The following PTPN14 variants were observed in gnomAD, a reference collection of about 807,000 sequenced individuals.
PTPN14 encodes protein tyrosine phosphatase non-receptor type 14.
In PTPN14, 53 loss-of-function variants were observed where a neutral mutation model predicts 126.8. That is an observed-to-expected ratio of 0.42 (90% CI 0.34 to 0.53). The LOEUF is 0.53. Ranked by LOEUF, PTPN14 falls within the 20% of genes least tolerant of loss-of-function variation. PTPN14 has a pLI of 0.08. For missense variants in PTPN14, 1,257 were observed against 1,552.9 expected (o/e 0.81, Z 3.20); for synonymous variants, 630 against 599.3 (o/e 1.05, Z -0.75).
At chr1:214,431,473 C>T (rs1427082665) in intron 3 of PTPN14, among the ~76,000 whole-genome samples, 3 of 152,194 alleles carry the variant, frequency 2.0e-5, no homozygotes, top group African/African-American at 4.8e-5. Flanking sequence ...AAATAACTCA[C>T]CTGAACATAC....
intron 16 of PTPN14, 66 bp from the exon 17 acceptor site, chr1:214,369,757 G>A (rs1658170403): frequency 3.6e-6 from 5 of 1,404,210 alleles, no homozygotes; most frequent in East Asian, 2.3e-5. Flanking sequence ...TTAATCCTAA[G>A]ATATGAAGAC....
intron 11 of PTPN14, 25 bp downstream of exon 11, chr1:214,390,963 T>C: frequency 1.4e-6 from 2 of 1,459,826 alleles, no homozygotes; most frequent in Non-Finnish European, 1.9e-6. Flanking sequence ...TCAGATCACT[T>C]GATCACTGCA....
intron 3 of PTPN14, among the ~76,000 whole-genome samples, chr1:214,433,560 A>T (rs1659840511): frequency 6.6e-6 from 1 of 152,032 alleles, no homozygotes; most frequent in African/African-American, 2.4e-5. Context: ...GTGGGTAGAG[A>T]TGATTGACAA....
intron 2 of PTPN14, among the ~76,000 whole-genome samples, chr1:214,458,830 T>C (rs1322344569): frequency 1.3e-5 from 2 of 152,124 alleles, no homozygotes; most frequent in East Asian, 3.9e-4. Context: ...GCTCCAGATA[T>C]CCTATCTCCT....
intron 3 of PTPN14, among the ~76,000 whole-genome samples, chr1:214,436,790 A>G (rs1465363987): frequency 1.7e-5 from 1 of 58,454 alleles, no homozygotes; most frequent in African/African-American, 6.6e-5. Flanking sequence ...CCGTCTCAAA[A>G]AAAAAAAAAA....
At chr1:214,392,221 T>A (rs556645025) in intron 10 of PTPN14, among the ~76,000 whole-genome samples, 135 of 152,088 alleles carry the variant, frequency 8.9e-4, no homozygotes, top group African/African-American at 3.1e-3. Context: ...AGAGAGAGTA[T>A]AATTTTGAGA....
Position 214,377,948 on chromosome 1 carries a change from C to T in PTPN14, c.2688+11G>A. ...CAGAGAATGAGTCACATTGACAAGCCTGCCACTTACCCTCTCGTCCATGGG... is the reference window on the plus strand; with the variant it reads ...CAGAGAATGAGTCACATTGACAAGCTTGCCACTTACCCTCTCGTCCATGGG... On this transcript the variant is annotated intron_variant, in intron 14 of 18. Coordinates refer to ENST00000366956, the MANE Select transcript of PTPN14 (RefSeq NM_005401.5). The T allele has an allele frequency of 6.2e-7, 1 of 1,609,432 alleles. No individual in the cohort carries two copies. Among genetic ancestry groups the T allele is most frequent in the East Asian group, 2.2e-5 (1 of 44,824 alleles).
At chr1:214,468,319 G>T (rs556742875) in intron 1 of PTPN14, among the ~76,000 whole-genome samples, 3 of 152,288 alleles carry the variant, frequency 2.0e-5, no homozygotes, top group African/African-American at 7.2e-5. Flanking sequence ...ACTTTGGGAG[G>T]CCAAGGCCAG....
intron 1 of PTPN14, among the ~76,000 whole-genome samples, chr1:214,466,767 C>T (rs1201257423): frequency 2.0e-5 from 3 of 152,172 alleles, no homozygotes; most frequent in East Asian, 3.9e-4. Flanking sequence ...ATCCATCTGC[C>T]GACACAGGAT....
intron 1 of PTPN14, among the ~76,000 whole-genome samples, chr1:214,543,751 T>G (rs1655900004): frequency 6.6e-6 from 1 of 151,952 alleles, no homozygotes; most frequent in African/African-American, 2.4e-5. Context: ...CCTGAGTAGC[T>G]GGGACTACAG....
rs115169012 is a variant in PTPN14 at position 214,372,828 on chromosome 1, G to T, written c.2919C>A (p.Gly973=). 1.2e-6 allele frequency: 2 copies of T among 1,613,804 alleles called. No individual in the cohort carries two copies. Among genetic ancestry groups the T allele is most frequent in the Non-Finnish European group, 1.7e-6 (2 of 1,179,936 alleles). The change falls in exon 16 of 19, where the codon GGC becomes GGA. Residue 973 remains glycine (G), a synonymous_variant. Transcript: ENST00000366956. ...TGGCTATGTAGTGCCATTCTGCCCCGCCAACCACCACCTAAAAACCAAGAA... is the reference window on the plus strand; with the variant it reads ...TGGCTATGTAGTGCCATTCTGCCCCTCCAACCACCACCTAAAAACCAAGAA... ...INASHIKVVV[G]GAEWHYIATQ...
At chr1:214,504,947 C>T (rs1305232679) in intron 1 of PTPN14, among the ~76,000 whole-genome samples, 1 of 152,110 alleles carries the variant, frequency 6.6e-6, no homozygotes, top group Admixed American at 6.5e-5. Context: ...GTGTGTTTAA[C>T]TTCATCAGAG....
chr1:214,357,056 G>A lies in PTPN14; in HGVS notation c.*866C>T, dbSNP rs1657838420. 1 of 152,232 alleles carries A rather than the reference G, an allele frequency of 6.6e-6. No homozygotes were observed. The highest frequency in any genetic ancestry group is 2.4e-5 in the African/African-American group (1 of 41,434). The allele number at this position is 152,232 out of a possible 1,614,324, so 9.4% of individuals were successfully genotyped here. ...ATCAGGGTAGAGCCTTAACTGCACA[G>A]ATGGTCTGGTCCAGAGCCTCAATGC... On this transcript the variant is annotated 3_prime_UTR_variant, in exon 19 of 19. Transcript: ENST00000366956.
rs1660022820 is a variant in PTPN14, at chr1:214,440,837, C to G, written c.344+10968G>C. Among the ~76,000 whole-genome samples, 3 of 152,292 alleles carry G rather than the reference C, an allele frequency of 2.0e-5. No individual in the cohort carries two copies. In the South Asian group the frequency reaches 6.2e-4, roughly 32 times the overall value. ...TATTAACTCCCTAGGGAGTGGAGAA[C>G]TAGGCCCAGTTAGACAGCACATGCC... On this transcript the variant is annotated intron_variant, in intron 3 of 18. Coordinates refer to ENST00000366956, the MANE Select transcript of PTPN14 (RefSeq NM_005401.5).
In PTPN14 at chr1:214,383,732, C is replaced by T; in HGVS notation, c.2123G>A (p.Ser708Asn). 2 of 1,613,580 alleles carry T rather than the reference C, an allele frequency of 1.2e-6. No homozygotes were observed. The highest frequency in any genetic ancestry group is 1.1e-5 in the South Asian group (1 of 91,088). ...FSDATMLIHSSESEEEEEEAP... is the reference protein window; with the variant it reads ...FSDATMLIHSNESEEEEEEAP... ...CTCCTCCTCCTCCTCCTCACTCTCG[C>T]TGCTGTGGATTAGCATAGTGGCATC... Residue 708 changes from serine (S) to asparagine (N), a missense_variant, in exon 13 of 19, where the codon AGC becomes AAC. Physicochemically the swap from Ser to Asn is conservative, Grantham distance 46 (BLOSUM62 1). This residue lies in a region of PTPN14 where 1,021 missense variants were observed against 1,183.3 expected (regional missense o/e 0.86). Transcript: ENST00000366956. This position sits in a 1 kb window ranked among gnomAD's most constrained non-coding sequence, Gnocchi z 4.4.
At chr1:214,492,828 G>A (rs1388336033) in intron 1 of PTPN14, among the ~76,000 whole-genome samples, 3 of 151,720 alleles carry the variant, frequency 2.0e-5, no homozygotes, top group East Asian at 2.0e-4. Flanking sequence ...GAATTGCAAG[G>A]CAGAGGTTGC....
At chr1:214,482,810 T>C in intron 1 of PTPN14, 1 of 1,607,416 alleles carries the variant, frequency 6.2e-7, no homozygotes, top group Non-Finnish European at 8.5e-7. Context: ...TACATTTTTA[T>C]TTAAAAGAGG....
Position 214,540,812 on chromosome 1 carries a change from G to T in PTPN14, c.-155+10371C>A, listed in dbSNP as rs181627388. On this transcript the variant is annotated intron_variant, in intron 1 of 18. Coordinates refer to ENST00000366956, the MANE Select transcript of PTPN14 (RefSeq NM_005401.5). ...GAAGAGTATCTAATACAAATCATGG[G>T]TTAGAGCTAGGAAATCCATGTGTAA... is the stretch of plus-strand genomic sequence containing the variant. Among the ~76,000 whole-genome samples, 175 of 152,220 alleles carry T rather than the reference G, an allele frequency of 1.1e-3. 1 individual carries two copies. The highest frequency in any genetic ancestry group is 2.3e-3 in the Non-Finnish European group (155 of 68,026).
chr1:214,487,939 T>C (rs1209389486), intron 1 of PTPN14, among the ~76,000 whole-genome samples: 1 of 152,194 alleles, frequency 6.6e-6, no homozygotes, highest in Non-Finnish European at 1.5e-5. Context: ...GGAGATGCTA[T>C]GACATTCCTC....
Sources: allele counts gnomAD v4.1 joint callset (sites outside exome capture counted in the v4.1 genomes callset), GRCh38; gene constraint gnomAD v4.1.1; regional missense constraint gnomAD v4.1.1; non-coding constraint Gnocchi (gnomAD v3.1); transcripts MANE v1.5; gene names NCBI Gene and HGNC (gene_info 2026-07-23, HGNC 2026-07-21).